The following FOCAD variants were observed in gnomAD, a reference collection of about 807,000 sequenced individuals.
The protein encoded by FOCAD is KIAA1797.
FOCAD carries 198 observed loss-of-function variants against 225.6 expected under a neutral mutation model. The observed-to-expected ratio is 0.88, with a 90% CI of 0.78 to 0.99. The LOEUF is 0.99. Ranked by LOEUF, FOCAD falls within the 50% of genes least tolerant of loss-of-function variation. FOCAD has a pLI of 0.00. For synonymous variants in FOCAD, 897 were observed against 755.0 expected (o/e 1.19, Z -3.08); for missense variants, 2,713 against 2,123.6 (o/e 1.28, Z -5.46).
chr9:20,765,989 C>A (rs1210836410), intron 7 of FOCAD, among the ~76,000 whole-genome samples: 1 of 152,184 alleles, frequency 6.6e-6, no homozygotes, highest in Non-Finnish European at 1.5e-5. Flanking sequence ...TTCCTGTAAT[C>A]AAGGCAGAGA....
At chr9:20,994,450 G>A (rs1411954289) in intron 43 of FOCAD, among the ~76,000 whole-genome samples, 1 of 152,148 alleles carries the variant, frequency 6.6e-6, no homozygotes, top group Non-Finnish European at 1.5e-5. Context: ...GGCCTATTCT[G>A]TGATAATTTA....
At chr9:20,687,862 GA>G (rs957686809) in intron 1 of FOCAD, among the ~76,000 whole-genome samples, 22 of 152,172 alleles carry the variant, frequency 1.4e-4, no homozygotes, top group African/African-American at 4.8e-4. Context: ...TATAGTGGGG[GA>G]TAGAGAAAAC....
At chr9:20,768,480 G>T (rs1462592698) in intron 7 of FOCAD, among the ~76,000 whole-genome samples, 2 of 151,552 alleles carry the variant, frequency 1.3e-5, no homozygotes, top group Non-Finnish European at 2.9e-5. Context: ...TCTTCCATTT[G>T]TTTGTATCCT....
intron 5 of FOCAD, among the ~76,000 whole-genome samples, chr9:20,754,401 A>C (rs1044888684): frequency 6.6e-6 from 1 of 152,058 alleles, no homozygotes; most frequent in African/African-American, 2.4e-5. Context: ...TTTGTTTTCC[A>C]TTTTAAGCCT....
intron 5 of FOCAD, among the ~76,000 whole-genome samples, chr9:20,756,784 T>G (rs1471714179): frequency 1.3e-5 from 2 of 152,192 alleles, no homozygotes; most frequent in Non-Finnish European, 2.9e-5. Flanking sequence ...ATCATCTGAG[T>G]GTAACTGATG....
rs1824506762 is a variant in FOCAD at position 20,823,118 on chromosome 9, A to G, written c.1920+3A>G. 1.9e-6 allele frequency: 3 copies of G among 1,603,976 alleles called. No individual in the cohort carries two copies. Among genetic ancestry groups the G allele is most frequent in the Admixed American group, 1.7e-5 (1 of 57,816 alleles). On this transcript the variant is annotated splice_donor_region_variant and intron_variant, in intron 15 of 43. Transcript: ENST00000338382. ...TTCATGCACTCTGTCAAGCTGAGGT[A>G]GGCATTTTTAAATTGCTTTGGATAA...
chr9:20,993,143 G>A, intron 42 of FOCAD, 110 bp from the exon 43 acceptor site: 2 of 787,176 alleles, frequency 2.5e-6, no homozygotes, highest in Non-Finnish European at 2.1e-6. Context: ...CAGCTACTGG[G>A]GAGGCTGAGG....
At chr9:20,852,866 T>C (rs1267124778) in intron 15 of FOCAD, among the ~76,000 whole-genome samples, 4 of 151,744 alleles carry the variant, frequency 2.6e-5, no homozygotes, top group Non-Finnish European at 5.9e-5. Flanking sequence ...TAATTTTGTA[T>C]CTGTTGAACA....
intron 3 of FOCAD, among the ~76,000 whole-genome samples, chr9:20,720,162 T>TA (rs1365858171): frequency 6.6e-6 from 1 of 152,200 alleles, no homozygotes; most frequent in Non-Finnish European, 1.5e-5. Flanking sequence ...ATAGCCATGA[T>TA]ACCAGGTGAG....
intron 15 of FOCAD, among the ~76,000 whole-genome samples, chr9:20,860,940 C>G (rs1004175613): frequency 6.6e-6 from 1 of 152,172 alleles, no homozygotes; most frequent in Non-Finnish European, 1.5e-5. Flanking sequence ...GATCTACCAG[C>G]CTTTCCCCAC....
chr9:20,731,284 A>AC (rs1826678047), intron 4 of FOCAD, among the ~76,000 whole-genome samples: 1 of 143,970 alleles, frequency 6.9e-6, no homozygotes, highest in African/African-American at 2.5e-5. Context: ...AACAACAACA[A>AC]AGTACTTCAT....
intron 15 of FOCAD, among the ~76,000 whole-genome samples, chr9:20,833,554 T>C (rs1259069681): frequency 6.6e-6 from 1 of 152,114 alleles, no homozygotes; most frequent in Non-Finnish European, 1.5e-5. Flanking sequence ...AAGTAGCAGT[T>C]AGAAGCTTCC....
intron 2 of FOCAD, among the ~76,000 whole-genome samples, chr9:20,667,590 A>G (rs982100484): frequency 1.3e-5 from 2 of 152,210 alleles, no homozygotes; most frequent in Non-Finnish European, 1.5e-5. Flanking sequence ...GGGGTTCAGG[A>G]ACATCCCTGC....
intron 21 of FOCAD, among the ~76,000 whole-genome samples, chr9:20,895,307 T>C (rs1414728965): frequency 6.6e-6 from 1 of 152,018 alleles, no homozygotes; most frequent in Non-Finnish European, 1.5e-5. Context: ...TTGTCCTTTG[T>C]CTCTTCATAT....
At chr9:20,979,933 G>A (rs908266086) in intron 37 of FOCAD, among the ~76,000 whole-genome samples, 9 of 152,122 alleles carry the variant, frequency 5.9e-5, no homozygotes, top group Admixed American at 5.2e-4. Context: ...GTTTTAAAGT[G>A]TAAAATGTGA....
chr9:20,799,386 A>G (rs1301742130), intron 11 of FOCAD, among the ~76,000 whole-genome samples: 2 of 152,126 alleles, frequency 1.3e-5, no homozygotes, highest in Admixed American at 6.5e-5. Context: ...AGCTGAGTTC[A>G]ATTCCTGGAT....
intron 37 of FOCAD, among the ~76,000 whole-genome samples, chr9:20,978,704 A>G (rs181588020): frequency 6.6e-6 from 1 of 152,326 alleles, no homozygotes; most frequent in East Asian, 1.9e-4. Context: ...AGAGATATTA[A>G]AGTTCCTTTC....
chr9:20,953,057 G>GA lies in FOCAD; in HGVS notation c.4131dup (p.Gly1378ArgfsTer3), dbSNP rs887086186. The GA allele has an allele frequency of 1.9e-6, 3 of 1,607,464 alleles. No homozygotes were observed. Among genetic ancestry groups the GA allele is most frequent in the Non-Finnish European group, 2.5e-6 (3 of 1,176,522 alleles). ...GCTATTGGCTTCTTCATTACAGGAG[G>GA]AAAAAAAGGCAAGTGAGCACATTTC... On this transcript the variant is annotated frameshift_variant, in exon 35 of 44. Coordinates refer to ENST00000338382, the MANE Select transcript of FOCAD (RefSeq NM_001375567.1). LOFTEE classifies it high-confidence loss of function.
intron 11 of FOCAD, among the ~76,000 whole-genome samples, chr9:20,792,602 C>T (rs937891513): frequency 6.6e-6 from 1 of 152,170 alleles, no homozygotes; most frequent in Non-Finnish European, 1.5e-5. Flanking sequence ...CTTTTACTTG[C>T]ATCTTACAAC....
Sources: allele counts gnomAD v4.1 joint callset (sites outside exome capture counted in the v4.1 genomes callset), GRCh38; gene constraint gnomAD v4.1.1; transcripts MANE v1.5; gene names NCBI Gene and HGNC (gene_info 2026-07-23, HGNC 2026-07-21).